The following ZNF197 variants were observed in gnomAD, a reference collection of about 807,000 sequenced individuals.
ZNF197 encodes the protein VHL-associated KRAB-A domain-containing protein.
A neutral mutation model predicts 27.4 loss-of-function variants in ZNF197; 14 were observed. The observed-to-expected ratio is 0.51, with a 90% CI of 0.34 to 0.80. The LOEUF (loss-of-function observed/expected upper bound fraction) is 0.80. Among genes scored for constraint, ZNF197 ranks in the 30% least tolerant of loss-of-function variants. ZNF197 has a pLI of 0.02. For missense variants in ZNF197, 1,090 were observed against 1,222.6 expected, an observed-to-expected ratio of 0.89 and a Z score of 1.62; for synonymous variants, 415 against 420.0, an observed-to-expected ratio of 0.99 and a Z score of 0.15.
At chr3:44,634,922 A>G (rs1212741598) in intron 5 of ZNF197, among the ~76,000 whole-genome samples, 1 of 151,930 alleles carries the variant, frequency 6.6e-6, no homozygotes, top group East Asian at 1.9e-4. Context: ...CCTGGCCTCA[A>G]GCAAACCTCC....
Position 44,646,457 on chromosome 3 carries a change from G to T in ZNF197, c.*2237G>T. 6.2e-7 allele frequency: 1 copy of T among 1,613,410 alleles called. No individual in the cohort carries two copies. Among genetic ancestry groups the T allele is most frequent in the South Asian group, 1.1e-5 (1 of 90,958 alleles). ...TAATAAGCTGAAAAATGTTCAACCT[G>T]AATTTAATCAAGCTTCTTGGACCTC... On this transcript the variant is annotated 3_prime_UTR_variant, in exon 6 of 6. Coordinates refer to ENST00000344387, the MANE Select transcript of ZNF197 (RefSeq NM_006991.5).
At chr3:44,636,167 T>C (rs1017575139) in intron 5 of ZNF197, among the ~76,000 whole-genome samples, 1 of 152,028 alleles carries the variant, frequency 6.6e-6, no homozygotes, top group Non-Finnish European at 1.5e-5. Flanking sequence ...TAGCCGGGTG[T>C]GGTGGCAGGT....
intron 5 of ZNF197, among the ~76,000 whole-genome samples, chr3:44,636,276 G>T (rs1702281421): frequency 6.8e-6 from 1 of 146,696 alleles, no homozygotes; most frequent in Non-Finnish European, 1.5e-5. Flanking sequence ...TTGCACTCCA[G>T]CCTGGGCGAC....
intron 1 of ZNF197, 103 bp from the exon 2 acceptor site, chr3:44,628,971 G>T (rs745765697): frequency 6.2e-6 from 5 of 806,124 alleles, no homozygotes; most frequent in Non-Finnish European, 7.6e-6. Context: ...CACTCACAAA[G>T]GTTCTCTTTA....
In ZNF197 at chr3:44,642,547, C is replaced by CT. The variant is rs756019945; in HGVS notation, c.1418dup (p.Arg474LysfsTer10). On this transcript the variant is annotated frameshift_variant, in exon 6 of 6. Transcript: ENST00000344387. LOFTEE classifies it low-confidence loss of function (END_TRUNC). ...TAGGCACTCAGGCCTAATTATACAT[C>CT]TAAGGCGCCATTCAGGGGAGAGACC... is the stretch of plus-strand genomic sequence containing the variant. 1 of 1,613,870 alleles carries CT rather than the reference C, an allele frequency of 6.2e-7. No individual in the cohort carries two copies. Among genetic ancestry groups the CT allele is most frequent in the Non-Finnish European group, 8.5e-7 (1 of 1,179,944 alleles).
chr3:44,644,225 A>T lies in ZNF197; in HGVS notation c.*5A>T. The T allele has an allele frequency of 1.9e-6, 3 of 1,571,914 alleles. No individual in the cohort carries two copies. The highest frequency in any genetic ancestry group is 2.6e-6 in the Non-Finnish European group (3 of 1,163,046). On this transcript the variant is annotated 3_prime_UTR_variant, in exon 6 of 6. Coordinates refer to ENST00000344387, the MANE Select transcript of ZNF197 (RefSeq NM_006991.5). The stretch of plus-strand genomic sequence containing the variant: ...ATTGAGATTCAGAAAATCTAGTGTC[A>T]TATGTAAAATGGAATAGAATCCCTG...
At chr3:44,626,936 A>G (rs985684948) in intron 1 of ZNF197, among the ~76,000 whole-genome samples, 1 of 152,228 alleles carries the variant, frequency 6.6e-6, no homozygotes, top group Admixed American at 6.5e-5. Context: ...CAAACATTCC[A>G]TCAGTGCTGG....
At position 44,646,796 on chromosome 3, in the gene ZNF197, C is replaced by T; in HGVS notation, c.*2576C>T. ...AGGTACTAAGAACCAGAAATAGACT[C>T]ACATAAATGGCCAATTGATTTTTGA... On this transcript the variant is annotated 3_prime_UTR_variant, in exon 6 of 6. Transcript: ENST00000344387. 2.6e-6 allele frequency: 1 copy of T among 377,586 alleles called. No individual in the cohort carries two copies. The highest frequency in any genetic ancestry group is 4.8e-6 in the Non-Finnish European group (1 of 208,008). The allele number at this position is 377,586 out of a possible 1,614,324, so 23.4% of individuals were successfully genotyped here. A position where few individuals can be genotyped will look rare whatever the true frequency, so the allele number is the denominator to read the frequency against.
Position 44,642,979 on chromosome 3 carries a change from A to G in ZNF197, c.1849A>G (p.Ser617Gly), listed in dbSNP as rs371310404. The G allele has an allele frequency of 1.2e-6, 2 of 1,613,932 alleles. No individual in the cohort carries two copies. Among genetic ancestry groups the G allele is most frequent in the Non-Finnish European group, 1.7e-6 (2 of 1,179,968 alleles). The stretch of plus-strand genomic sequence containing the variant: ...CTTCATTGACCATAAGAGGATGCAC[A>G]GCAGAGAGAAACCTTACAAATGCAC... ...SNFIDHKRMH[S>G]REKPYKCTEC... is the part of the protein sequence containing the mutation. The change falls in exon 6 of 6, where the codon AGC becomes GGC. Residue 617 changes from serine (S) to glycine (G), a missense_variant. By Grantham distance (56) the Ser-to-Gly change is moderately conservative. Coordinates refer to ENST00000344387, the MANE Select transcript of ZNF197 (RefSeq NM_006991.5).
intron 5 of ZNF197, among the ~76,000 whole-genome samples, chr3:44,641,100 C>A (rs1702575002): frequency 6.6e-6 from 1 of 152,104 alleles, no homozygotes; most frequent in African/African-American, 2.4e-5. Flanking sequence ...AAGTAAACTT[C>A]CAAAACATTT....
In ZNF197 at chr3:44,648,213, A is replaced by C. The variant is rs961153089; in HGVS notation, c.*3993A>C. On this transcript the variant is annotated 3_prime_UTR_variant, in exon 6 of 6. Transcript: ENST00000344387. ...AGATGGTATTAGGGAATTTTTGTTG[A>C]TTTTCTTACCTGTGACGGTGGTGGT... The C allele has an allele frequency of 1.3e-5, 2 of 152,070 alleles. No individual in the cohort carries two copies. 9.4% of individuals were successfully genotyped at this position (152,070 alleles called of 1,614,324 possible). A position where few individuals can be genotyped will look rare whatever the true frequency, so the allele number is the denominator to read the frequency against.
intron 3 of ZNF197, among the ~76,000 whole-genome samples, chr3:44,631,461 C>T (rs987730441): frequency 5.9e-5 from 9 of 151,628 alleles, no homozygotes; most frequent in South Asian, 2.1e-4. Context: ...AGTGCAGTGG[C>T]GCGATCTCAG....
In ZNF197 at chr3:44,644,523, A is replaced by G. The variant is rs1702840419; in HGVS notation, c.*303A>G. On this transcript the variant is annotated 3_prime_UTR_variant, in exon 6 of 6. Transcript: ENST00000344387. The stretch of plus-strand genomic sequence containing the variant: ...CATGGGGGCACACACCGGTAATCCC[A>G]GCTACTCAGGAGGCTGAGACAGGAG... 1 of 821,144 alleles carries G rather than the reference A, an allele frequency of 1.2e-6. No individual in the cohort carries two copies. The highest frequency in any genetic ancestry group is 1.5e-6 in the Non-Finnish European group (1 of 668,012). The allele number at this position is 821,144 out of a possible 1,614,324, so 50.9% of individuals were successfully genotyped here.
chr3:44,642,633 G>T lies in ZNF197; in HGVS notation c.1503G>T (p.Gln501His). The T allele has an allele frequency of 6.2e-7, 1 of 1,614,058 alleles. No homozygotes were observed. Among genetic ancestry groups the T allele is most frequent in the Non-Finnish European group, 8.5e-7 (1 of 1,180,018 alleles). Residue 501 changes from glutamine to histidine, a missense_variant, in exon 6 of 6, where the codon CAG becomes CAT. Coordinates refer to ENST00000344387, the MANE Select transcript of ZNF197 (RefSeq NM_006991.5). ...FSQNAYLIDH[Q>H]RLHKGEEPYK... ...AGAATGCTTACCTCATTGACCATCA[G>T]AGGCTCCACAAAGGGGAAGAACCTT...
chr3:44,632,620 G>A, intron 5 of ZNF197, 21 bp downstream of exon 5: 3 of 1,480,596 alleles, frequency 2.0e-6, no homozygotes, highest in Non-Finnish European at 2.7e-6. Flanking sequence ...TTCTTTCTAT[G>A]ATGCTTACCT....
chr3:44,637,223 G>A (rs182743587), intron 5 of ZNF197, among the ~76,000 whole-genome samples: 186 of 152,130 alleles, frequency 1.2e-3, no homozygotes, highest in Non-Finnish European at 2.1e-3. Flanking sequence ...TGAATTCCTG[G>A]GCTCAAGCGA....
chr3:44,644,409 C>A lies in ZNF197; in HGVS notation c.*189C>A. On this transcript the variant is annotated 3_prime_UTR_variant, in exon 6 of 6. Coordinates refer to ENST00000344387, the MANE Select transcript of ZNF197 (RefSeq NM_006991.5). ...ATCCCAGCACTTTGAGAGGCCGAAG[C>A]GAGTGGATCACCTGAGGTCAGGATT... 2 of 1,299,536 alleles carry A rather than the reference C, an allele frequency of 1.5e-6. No homozygotes were observed. Among genetic ancestry groups the A allele is most frequent in the Middle Eastern group, 2.9e-4 (1 of 3,470 alleles). The allele number at this position is 1,299,536 out of a possible 1,614,324, so 80.5% of individuals were successfully genotyped here. A position where few individuals can be genotyped will look rare whatever the true frequency, so the allele number is the denominator to read the frequency against.
chr3:44,629,042 A>G (rs1398437499), intron 1 of ZNF197, 32 bp from the exon 2 acceptor site: 22 of 1,474,702 alleles, frequency 1.5e-5, no homozygotes, highest in Non-Finnish European at 1.6e-5. Context: ...TCTCTGGGCT[A>G]ACTTTAACAA....
chr3:44,634,453 T>A (rs1374535148), intron 5 of ZNF197, among the ~76,000 whole-genome samples: 1 of 152,148 alleles, frequency 6.6e-6, no homozygotes, highest in African/African-American at 2.4e-5. Flanking sequence ...CCACCTGTAT[T>A]CTATTTTTTT....
Sources: gnomAD v4.1 joint callset for allele counts (sites outside exome capture counted in the v4.1 genomes callset) on GRCh38, gnomAD v4.1.1 for gene constraint, MANE v1.5 for transcripts, NCBI Gene and HGNC (gene_info 2026-07-23, HGNC 2026-07-21) for gene names.